The following BMP5 variants were observed in gnomAD, a reference collection of about 807,000 sequenced individuals.
The protein encoded by BMP5 is bone morphogenetic protein 5.
A neutral mutation model predicts 46.6 loss-of-function variants in BMP5; 23 were observed. That is an observed-to-expected ratio of 0.49 (90% CI 0.35 to 0.70). BMP5 has a LOEUF of 0.70. BMP5 is among the 30% of genes least tolerant of loss of function. The probability of loss-of-function intolerance (pLI) is 0.00; values close to 1 mark genes in which losing one functional copy is unlikely to be tolerated. For synonymous variants in BMP5, 204 were observed against 191.9 expected (o/e 1.06, Z -0.52); for missense variants, 545 against 565.6 (o/e 0.96, Z 0.37).
At chr6:55,799,704 C>T (rs2127531014) in intron 2 of BMP5, among the ~76,000 whole-genome samples, 1 of 152,236 alleles carries the variant, frequency 6.6e-6, no homozygotes, top group South Asian at 2.1e-4. Context: ...TTCAATTGTC[C>T]TACAGCTCCC....
chr6:55,759,059 A>G lies in BMP5; in HGVS notation c.1161T>C (p.Ser387=), dbSNP rs779328371. 6.3e-6 allele frequency: 10 copies of G among 1,580,122 alleles called. No individual in the cohort carries two copies. Among genetic ancestry groups the G allele is most frequent in the Non-Finnish European group, 7.8e-6 (9 of 1,159,972 alleles). The part of the protein sequence containing the change: ...YAAFYCDGEC[S]FPLNAHMNAT... ...CATTCATATGGGCGTTAAGTGGAAA[A>G]GAACATTCTCCATCACAATAAAATG... is the stretch of plus-strand genomic sequence containing the variant. Residue 387 remains serine (S), a synonymous_variant, in exon 6 of 7, where the codon TCT becomes TCC. Transcript: ENST00000370830.
chr6:55,867,720 C>T (rs1019521480), intron 1 of BMP5, among the ~76,000 whole-genome samples: 1 of 152,134 alleles, frequency 6.6e-6, no homozygotes, highest in Non-Finnish European at 1.5e-5. Flanking sequence ...CTTGCATTTT[C>T]ATTTGCATCA....
rs1182261585 is a variant in BMP5, at chr6:55,754,820, A to G, written c.*713T>C. ...TGTACTACAATTAGTGTTAACTTGGAAAGCTATGGACACAGGCTCAAGCCT... is the reference window on the plus strand; with the variant it reads ...TGTACTACAATTAGTGTTAACTTGGGAAGCTATGGACACAGGCTCAAGCCT... On this transcript the variant is annotated 3_prime_UTR_variant, in exon 7 of 7. Transcript: ENST00000370830. 1 of 152,022 alleles carries G rather than the reference A, an allele frequency of 6.6e-6. No homozygotes were observed. Among genetic ancestry groups the G allele is most frequent in the East Asian group, 1.9e-4 (1 of 5,162 alleles). The allele number at this position is 152,022 out of a possible 1,614,324, so 9.4% of individuals were successfully genotyped here. A position where few individuals can be genotyped will look rare whatever the true frequency, so the allele number is the denominator to read the frequency against.
chr6:55,801,238 G>A (rs1412059745), intron 2 of BMP5, among the ~76,000 whole-genome samples: 1 of 152,234 alleles, frequency 6.6e-6, no homozygotes, highest in East Asian at 1.9e-4. Flanking sequence ...ATGCTTAGAA[G>A]ACTACCTTGT....
chr6:55,874,489 C>A lies in BMP5; in HGVS notation c.377G>T (p.Arg126Leu), dbSNP rs144615410. 2 of 1,613,396 alleles carry A rather than the reference C, an allele frequency of 1.2e-6. No individual in the cohort carries two copies. The highest frequency in any genetic ancestry group is 1.7e-5 in the Admixed American group (1 of 59,914). Residue 126 changes from arginine to leucine, a missense_variant, in exon 1 of 7, where the codon CGC becomes CTC. Arg to Leu is a moderately radical substitution (Grantham distance 102). Coordinates refer to ENST00000370830, the MANE Select transcript of BMP5 (RefSeq NM_021073.4). Reference sequence around the variant, plus strand: ...AGGAGTCGTCCGAGATAACTGTATGCGACGAGGATACCCATTGGGAGAGGC... The same window carrying A: ...AGGAGTCGTCCGAGATAACTGTATGAGACGAGGATACCCATTGGGAGAGGC... The part of the protein sequence containing the change: ...YPASPNGYPR[R>L]IQLSRTTPLT...
chr6:55,799,345 A>C (rs1190603269), intron 2 of BMP5, among the ~76,000 whole-genome samples: 1 of 152,194 alleles, frequency 6.6e-6, no homozygotes, highest in Non-Finnish European at 1.5e-5. Context: ...ACCTTCAAAT[A>C]ACCTCTATCA....
At chr6:55,770,675 C>T (rs186329291) in intron 4 of BMP5, among the ~76,000 whole-genome samples, 1 of 152,082 alleles carries the variant, frequency 6.6e-6, no homozygotes, top group Non-Finnish European at 1.5e-5. Flanking sequence ...TTTCAACATA[C>T]CTTCCTCAAT....
intron 4 of BMP5, among the ~76,000 whole-genome samples, chr6:55,767,119 T>C (rs1230925111): frequency 6.6e-6 from 1 of 152,044 alleles, no homozygotes; most frequent in African/African-American, 2.4e-5. Context: ...AATGCCTTAA[T>C]GTCTATTGGC....
chr6:55,857,593 C>T (rs1034755094), intron 1 of BMP5, among the ~76,000 whole-genome samples: 3 of 152,118 alleles, frequency 2.0e-5, no homozygotes, highest in Non-Finnish European at 2.9e-5. Context: ...AAAAGAAATG[C>T]TTTGACTCAA....
chr6:55,849,712 T>A (rs1394573533), intron 1 of BMP5, among the ~76,000 whole-genome samples: 3 of 152,054 alleles, frequency 2.0e-5, no homozygotes, highest in Non-Finnish European at 4.4e-5. Flanking sequence ...TTTTAAAAGA[T>A]TTCCTTCAAG....
chr6:55,780,285 A>AC (rs1486024087), intron 3 of BMP5, among the ~76,000 whole-genome samples: 162 of 151,798 alleles, frequency 1.1e-3, no homozygotes, highest in Non-Finnish European at 2.0e-3. Flanking sequence ...GTACCCTGAC[A>AC]CACTGATATG....
intron 1 of BMP5, among the ~76,000 whole-genome samples, chr6:55,823,114 T>C (rs1776447451): frequency 6.6e-6 from 1 of 152,104 alleles, no homozygotes; most frequent in Non-Finnish European, 1.5e-5. Flanking sequence ...AATTGGGTGA[T>C]GACAGCTACA....
intron 4 of BMP5, among the ~76,000 whole-genome samples, chr6:55,761,224 C>T (rs1165058162): frequency 6.6e-6 from 1 of 152,042 alleles, no homozygotes; most frequent in Non-Finnish European, 1.5e-5. Flanking sequence ...CTCTCACGCC[C>T]TTCATAATTG....
chr6:55,774,281 G>C lies in BMP5; in HGVS notation c.833-38C>G, dbSNP rs369939910. 7.6e-6 allele frequency: 12 copies of C among 1,583,204 alleles called. No individual in the cohort carries two copies. The African/African-American group carries it at 1.6e-4, about 21-fold the overall frequency. Reference sequence around the variant, plus strand: ...ACAAAAGCACTTGGTTTATGAAAAAGAAAGAACAATTACCTGATGTGAATG... The same window carrying C: ...ACAAAAGCACTTGGTTTATGAAAAACAAAGAACAATTACCTGATGTGAATG... On this transcript the variant is annotated intron_variant, in intron 3 of 6. Transcript: ENST00000370830.
chr6:55,795,547 A>G (rs946125678), intron 2 of BMP5, among the ~76,000 whole-genome samples: 2 of 152,074 alleles, frequency 1.3e-5, no homozygotes, highest in African/African-American at 2.4e-5. Flanking sequence ...TGGCTTACAA[A>G]ATGTGAAAAC....
intron 1 of BMP5, among the ~76,000 whole-genome samples, chr6:55,873,764 A>G (rs1042065180): frequency 1.3e-5 from 2 of 152,070 alleles, no homozygotes; most frequent in Non-Finnish European, 2.9e-5. Context: ...TAGCTATAAC[A>G]TACTTTACTC....
At chr6:55,759,172 A>AAAAAAAAAAAAAAAC (rs1562023483) in intron 5 of BMP5, 57 bp from the exon 6 acceptor site, 2 of 738,862 alleles carry the variant, frequency 2.7e-6, no homozygotes, top group East Asian at 3.6e-5. Context: ...AAAAAAAAAA[A>AAAAAAAAAAAAAAAC]AAAAAAAAAA....
intron 2 of BMP5, among the ~76,000 whole-genome samples, chr6:55,805,916 A>AT (rs376567345): frequency 6.1e-4 from 92 of 150,186 alleles, no homozygotes; most frequent in African/African-American, 2.1e-3. Context: ...TGATGGGGTT[A>AT]TTTTTTTTTC....
chr6:55,856,147 C>T (rs1351172935), intron 1 of BMP5, among the ~76,000 whole-genome samples: 3 of 152,106 alleles, frequency 2.0e-5, no homozygotes, highest in South Asian at 2.1e-4. Context: ...CAATATATAG[C>T]CCTTTGGGTC....
Sources: gnomAD v4.1 joint callset for allele counts (sites outside exome capture counted in the v4.1 genomes callset) on GRCh38, gnomAD v4.1.1 for gene constraint, MANE v1.5 for transcripts, NCBI Gene and HGNC (gene_info 2026-07-23, HGNC 2026-07-21) for gene names.